KCNN3: variants seen among roughly 807,000 people sequenced by gnomAD.
The protein encoded by KCNN3 is small conductance calcium-activated potassium channel protein 3.
KCNN3 carries 16 observed loss-of-function variants against 62.9 expected under a neutral mutation model. The observed-to-expected ratio is 0.25, with a 90% CI of 0.17 to 0.39. The LOEUF is 0.39. KCNN3 is among the 10% of genes least tolerant of loss of function. The probability of loss-of-function intolerance (pLI) is 1.00; values close to 1 mark genes in which losing one functional copy is unlikely to be tolerated. For missense variants in KCNN3, 599 were observed against 949.4 expected (o/e 0.63, Z 4.85); for synonymous variants, 370 against 389.2 (o/e 0.95, Z 0.58).
In KCNN3 at chr1:154,772,370, C is replaced by A; in HGVS notation, c.1053G>T (p.Ala351=). ...AGGTCATGGCTATCCGCCAGTCATCCGCGCCATTGTCGATCACGAAGAGCT... is the reference window on the plus strand; with the variant it reads ...AGGTCATGGCTATCCGCCAGTCATCAGCGCCATTGTCGATCACGAAGAGCT... ...EVQLFVIDNG[A]DDWRIAMTYE... Residue 351 remains alanine (A), a synonymous_variant, in exon 3 of 8, where the codon GCG becomes GCT. Transcript: ENST00000271915. This position sits in a 1 kb window ranked among gnomAD's most constrained non-coding sequence, Gnocchi z 5.6. The A allele has an allele frequency of 1.2e-6, 2 of 1,614,174 alleles. No homozygotes were observed. Among genetic ancestry groups the A allele is most frequent in the Non-Finnish European group, 1.7e-6 (2 of 1,180,018 alleles).
chr1:154,812,201 C>G (rs1037374389), intron 2 of KCNN3, among the ~76,000 whole-genome samples: 1 of 152,134 alleles, frequency 6.6e-6, no homozygotes, highest in Non-Finnish European at 1.5e-5. Flanking sequence ...AACGGATTAA[C>G]TTTGAAAAAG....
At chr1:154,735,758 C>A (rs1700700495) in intron 3 of KCNN3, among the ~76,000 whole-genome samples, 1 of 152,218 alleles carries the variant, frequency 6.6e-6, no homozygotes, top group Admixed American at 6.5e-5. Flanking sequence ...CAATGCAACC[C>A]CTCCCTTCCC....
intron 5 of KCNN3, among the ~76,000 whole-genome samples, chr1:154,720,841 CAA>C (rs1700330385): frequency 6.6e-6 from 1 of 152,144 alleles, no homozygotes; most frequent in Admixed American, 6.5e-5. Flanking sequence ...ATGGCGGCTT[CAA>C]GAGTGGCGGG....
In KCNN3 at chr1:154,715,451, G is replaced by A. The variant is rs1418045744; in HGVS notation, c.1702-448C>T. The stretch of plus-strand genomic sequence containing the variant: ...TCCATCTCAAAAAAAAAAAAAAAAA[G>A]GAAAAAAAAAGGTGATTAAAATTCA... On this transcript the variant is annotated intron_variant, in intron 5 of 7. Transcript: ENST00000271915. 7.0e-5 allele frequency among the ~76,000 whole-genome samples: 9 copies of A among 129,236 alleles called. No homozygotes were observed. The East Asian group carries it at 9.4e-4, about 14-fold the overall frequency. The allele number at this position is 129,236 out of a possible 152,430, so 84.8% of individuals were successfully genotyped here.
intron 1 of KCNN3, among the ~76,000 whole-genome samples, chr1:154,859,379 G>A (rs549463098): frequency 1.9e-4 from 29 of 152,352 alleles, no homozygotes; most frequent in East Asian, 1.5e-3. Flanking sequence ...GGCAGCCCAG[G>A]AGCACCCACA....
chr1:154,704,024 A>G lies in KCNN3; in HGVS notation c.*3952T>C, dbSNP rs1184766953. 6.6e-6 allele frequency: 1 copy of G among 152,224 alleles called. No individual in the cohort carries two copies. Among genetic ancestry groups the G allele is most frequent in the Non-Finnish European group, 1.5e-5 (1 of 68,032 alleles). The allele number at this position is 152,224 out of a possible 1,614,324, so 9.4% of individuals were successfully genotyped here. A position where few individuals can be genotyped will look rare whatever the true frequency, so the allele number is the denominator to read the frequency against. On this transcript the variant is annotated 3_prime_UTR_variant, in exon 8 of 8. Coordinates refer to ENST00000271915, the MANE Select transcript of KCNN3 (RefSeq NM_002249.6). Reference sequence around the variant, plus strand: ...TGTATGACTAGGTTTCTTCTTTTCCATGATTGTTTATTCACAAGGAAATTA... The same window carrying G: ...TGTATGACTAGGTTTCTTCTTTTCCGTGATTGTTTATTCACAAGGAAATTA...
intron 4 of KCNN3, among the ~76,000 whole-genome samples, chr1:154,730,228 ACC>A (rs1232850920): frequency 1.3e-5 from 2 of 152,268 alleles, no homozygotes; most frequent in African/African-American, 4.8e-5. Flanking sequence ...TCTCAAACAC[ACC>A]AGGTCTGTGC....
At chr1:154,859,332 A>G (rs1222536090) in intron 1 of KCNN3, among the ~76,000 whole-genome samples, 2 of 152,224 alleles carry the variant, frequency 1.3e-5, no homozygotes, top group Non-Finnish European at 2.9e-5. Context: ...GCTGATGCCA[A>G]CTCAGGCAAA....
At chr1:154,781,719 G>A (rs922681459) in intron 2 of KCNN3, among the ~76,000 whole-genome samples, 5 of 152,146 alleles carry the variant, frequency 3.3e-5, no homozygotes, top group South Asian at 4.1e-4. Context: ...GCTTTGCCCC[G>A]ATCAGCTTAT....
chr1:154,748,047 C>G (rs1002446250), intron 3 of KCNN3, among the ~76,000 whole-genome samples: 1 of 152,226 alleles, frequency 6.6e-6, no homozygotes, highest in Non-Finnish European at 1.5e-5. Flanking sequence ...GCACCAGCCT[C>G]CATTGGTTGG....
intron 2 of KCNN3, among the ~76,000 whole-genome samples, chr1:154,812,730 G>A (rs1443655280): frequency 6.6e-6 from 1 of 152,162 alleles, no homozygotes; most frequent in African/African-American, 2.4e-5. Flanking sequence ...CTCAAGAGGA[G>A]TCACCTTTAA....
chr1:154,747,127 C>T (rs751153631), intron 3 of KCNN3, among the ~76,000 whole-genome samples: 2 of 152,208 alleles, frequency 1.3e-5, no homozygotes, highest in Non-Finnish European at 2.9e-5. Context: ...TCCTGAGCTT[C>T]CTCCCCATCA....
intron 3 of KCNN3, among the ~76,000 whole-genome samples, chr1:154,738,479 C>T (rs1700759509): frequency 6.6e-6 from 1 of 152,110 alleles, no homozygotes; most frequent in African/African-American, 2.4e-5. Context: ...TCCCATGCAC[C>T]CTCTCTCAGG....
chr1:154,723,043 T>C (rs1700390646), intron 5 of KCNN3, among the ~76,000 whole-genome samples: 1 of 152,154 alleles, frequency 6.6e-6, no homozygotes, highest in Non-Finnish European at 1.5e-5. Flanking sequence ...TAGCATCTTC[T>C]TGACCAATGA....
At chr1:154,775,674 T>C (rs1648759756) in intron 2 of KCNN3, among the ~76,000 whole-genome samples, 1 of 147,188 alleles carries the variant, frequency 6.8e-6, no homozygotes, top group Non-Finnish European at 1.5e-5. Context: ...CTGTCATCTC[T>C]GAACAGGAGA....
chr1:154,709,255 C>G (rs987257582), intron 7 of KCNN3, among the ~76,000 whole-genome samples: 1 of 152,168 alleles, frequency 6.6e-6, no homozygotes, highest in African/African-American at 2.4e-5. Flanking sequence ...CTGTGTACAT[C>G]AGACTTGGGA....
At chr1:154,776,422 C>T (rs1452047564) in intron 2 of KCNN3, among the ~76,000 whole-genome samples, 2 of 150,424 alleles carry the variant, frequency 1.3e-5, no homozygotes. Flanking sequence ...GTGTAAAGAG[C>T]GGGTGTTTTG....
At position 154,703,420 on chromosome 1, in the gene KCNN3, C is replaced by T. The variant is rs1699905756; in HGVS notation, c.*4556G>A. 6.6e-6 allele frequency: 1 copy of T among 152,168 alleles called. No individual in the cohort carries two copies. The highest frequency in any genetic ancestry group is 1.5e-5 in the Non-Finnish European group (1 of 68,048). The allele number at this position is 152,168 out of a possible 1,614,324, so 9.4% of individuals were successfully genotyped here. A position where few individuals can be genotyped will look rare whatever the true frequency, so the allele number is the denominator to read the frequency against. On this transcript the variant is annotated 3_prime_UTR_variant, in exon 8 of 8. Transcript: ENST00000271915. ...AGTCACCAGATAGCTGTCTAAGGTA[C>T]TGAAATCAAACCCTGCAGAGTCAAT...
intron 2 of KCNN3, among the ~76,000 whole-genome samples, chr1:154,821,824 G>A (rs1650911963): frequency 6.6e-6 from 1 of 152,192 alleles, no homozygotes; most frequent in Non-Finnish European, 1.5e-5. Flanking sequence ...CGGCAGCCTC[G>A]CTCAACATGA....
Sources: gnomAD v4.1 joint callset for allele counts (sites outside exome capture counted in the v4.1 genomes callset) on GRCh38, gnomAD v4.1.1 for gene constraint, Gnocchi (gnomAD v3.1) non-coding constraint, MANE v1.5 for transcripts, NCBI Gene and HGNC (gene_info 2026-07-23, HGNC 2026-07-21) for gene names.